METTL15: variants seen among roughly 807,000 people sequenced by gnomAD.
METTL15 encodes methyltransferase 15, mitochondrial 12S rRNA N4-cytidine.
METTL15 carries 34 observed loss-of-function variants against 38.3 expected under a neutral mutation model. The observed-to-expected ratio is 0.89, with a 90% CI of 0.68 to 1.18. The LOEUF is 1.18. Ranked by LOEUF, METTL15 falls within the 50% of genes most tolerant of loss-of-function variation. METTL15 has a pLI of 0.00. For synonymous variants in METTL15, 162 were observed against 170.9 expected, an observed-to-expected ratio of 0.95 and a Z score of 0.41; for missense variants, 438 against 498.4, an observed-to-expected ratio of 0.88 and a Z score of 1.15.
chr11:28,473,266 A>G (rs141616512), intron 6 of METTL15, among the ~76,000 whole-genome samples: 2 of 152,302 alleles, frequency 1.3e-5, no homozygotes, highest in African/African-American at 4.8e-5. Flanking sequence ...CAGTATTCCC[A>G]GGAGTGCCTG....
intron 3 of METTL15, among the ~76,000 whole-genome samples, chr11:28,138,651 C>T (rs1385498933): frequency 6.6e-6 from 1 of 152,158 alleles, no homozygotes; most frequent in African/African-American, 2.4e-5. Flanking sequence ...TTCTAAAAGT[C>T]ACACAGATAC....
chr11:28,485,024 T>C (rs1851426920), intron 6 of METTL15, among the ~76,000 whole-genome samples: 1 of 152,084 alleles, frequency 6.6e-6, no homozygotes, highest in Non-Finnish European at 1.5e-5. Context: ...TCTTGAATTA[T>C]TTTCAGATTC....
chr11:28,205,360 G>GT (rs1376429688), intron 3 of METTL15, among the ~76,000 whole-genome samples: 3 of 149,252 alleles, frequency 2.0e-5, no homozygotes, highest in African/African-American at 4.9e-5. Flanking sequence ...TGCAGTGTTT[G>GT]TTTTTTTGTT....
At chr11:28,200,526 T>C (rs1428394423) in intron 3 of METTL15, among the ~76,000 whole-genome samples, 1 of 152,198 alleles carries the variant, frequency 6.6e-6, no homozygotes, top group East Asian at 1.9e-4. Context: ...CTTAACTGGG[T>C]GCTTTACGCT....
chr11:28,422,367 C>T (rs1011121801), intron 5 of METTL15, among the ~76,000 whole-genome samples: 5 of 151,864 alleles, frequency 3.3e-5, no homozygotes, highest in African/African-American at 1.2e-4. Flanking sequence ...CTACAAAAGA[C>T]CCAGATATCC....
chr11:28,396,795 G>C (rs1209830802), intron 5 of METTL15, among the ~76,000 whole-genome samples: 2 of 151,982 alleles, frequency 1.3e-5, no homozygotes, highest in African/African-American at 4.8e-5. Context: ...CAATCCTAAG[G>C]CAAAAGAAGA....
At chr11:28,132,346 CTTT>C (rs1261353626) in intron 3 of METTL15, among the ~76,000 whole-genome samples, 5 of 151,984 alleles carry the variant, frequency 3.3e-5, no homozygotes, top group Admixed American at 3.3e-4. Context: ...TGGGTGGTAT[CTTT>C]CATTAAGTTA....
downstream of METTL15, among the ~76,000 whole-genome samples, chr11:28,336,942 T>G (rs1275348927): frequency 6.6e-6 from 1 of 152,160 alleles, no homozygotes; most frequent in Non-Finnish European, 1.5e-5. Context: ...CAGTTCTATG[T>G]ACATTATTAC....
chr11:28,399,452 C>T (rs192515741), intron 5 of METTL15, among the ~76,000 whole-genome samples: 2 of 151,938 alleles, frequency 1.3e-5, no homozygotes, highest in Non-Finnish European at 2.9e-5. Flanking sequence ...CAGAAAACTT[C>T]TATATAAGAC....
intron 4 of METTL15, among the ~76,000 whole-genome samples, chr11:28,271,264 A>G (rs1855628509): frequency 6.6e-6 from 1 of 152,118 alleles, no homozygotes; most frequent in Non-Finnish European, 1.5e-5. Flanking sequence ...AATTAACCCA[A>G]ATAATTGACC....
intron 4 of METTL15, among the ~76,000 whole-genome samples, chr11:28,274,751 AT>A (rs1452269546): frequency 6.6e-6 from 1 of 151,814 alleles, no homozygotes; most frequent in African/African-American, 2.4e-5. Context: ...CTTTATTTAA[AT>A]TGAATTTAAA....
At chr11:28,312,921 A>G (rs777918105) in intron 6 of METTL15, among the ~76,000 whole-genome samples, 66 of 151,826 alleles carry the variant, frequency 4.3e-4, no homozygotes, top group Admixed American at 2.6e-4. Flanking sequence ...TTGGGCATTA[A>G]GTTTCAACAC....
intron 3 of METTL15, among the ~76,000 whole-genome samples, chr11:28,135,807 T>C (rs1365895057): frequency 3.9e-5 from 6 of 152,246 alleles, no homozygotes; most frequent in Non-Finnish European, 8.8e-5. Context: ...TATTAAAGGC[T>C]GTAATTAGCT....
intron 3 of METTL15, among the ~76,000 whole-genome samples, chr11:28,137,788 A>ATT (rs1010837568): frequency 7.0e-6 from 1 of 143,694 alleles, no homozygotes; most frequent in African/African-American, 2.6e-5. Context: ...TACAGCTTTT[A>ATT]TTTTTTTTTT....
chr11:28,236,709 C>T (rs914807458), intron 4 of METTL15, among the ~76,000 whole-genome samples: 72 of 152,286 alleles, frequency 4.7e-4, no homozygotes, highest in African/African-American at 1.5e-3. Context: ...ATGTTCTTTA[C>T]ATTTTGGCAT....
intron 6 of METTL15, among the ~76,000 whole-genome samples, chr11:28,519,906 C>A (rs913857365): frequency 1.3e-5 from 2 of 152,172 alleles, no homozygotes; most frequent in African/African-American, 4.8e-5. Flanking sequence ...AGAACCCAAG[C>A]CCCCTGATTG....
chr11:28,260,601 GA>G (rs1855163514), intron 4 of METTL15, among the ~76,000 whole-genome samples: 1 of 152,110 alleles, frequency 6.6e-6, no homozygotes, highest in South Asian at 2.1e-4. Context: ...ACTAAAGACA[GA>G]AAAGAGCTAC....
chr11:28,189,437 A>C (rs1448149280), intron 3 of METTL15, among the ~76,000 whole-genome samples: 1 of 151,406 alleles, frequency 6.6e-6, no homozygotes, highest in South Asian at 2.1e-4. Flanking sequence ...GAAAGATACC[A>C]TGAAATACTG....
intron 4 of METTL15, among the ~76,000 whole-genome samples, chr11:28,358,492 G>A (rs906957262): frequency 1.3e-5 from 2 of 152,240 alleles, no homozygotes; most frequent in African/African-American, 4.8e-5. Context: ...AGTGTCCCAT[G>A]ATGAATTTAG....
Sources: allele counts gnomAD v4.1 joint callset (sites outside exome capture counted in the v4.1 genomes callset), GRCh38; gene constraint gnomAD v4.1.1; transcripts MANE v1.5; gene names NCBI Gene and HGNC (gene_info 2026-07-23, HGNC 2026-07-21).